Variants in CCDC15 observed in about 807,000 individuals in gnomAD.
CCDC15 encodes coiled-coil domain-containing protein 15.
A neutral mutation model predicts 114.5 loss-of-function variants in CCDC15; 105 were observed. That is an observed-to-expected ratio of 0.92 (90% confidence interval 0.78 to 1.08). The LOEUF is 1.08. Among genes scored for constraint, CCDC15 ranks in the 50% least tolerant of loss-of-function variants. CCDC15 has a pLI of 0.00. For synonymous variants in CCDC15, 334 were observed against 377.8 expected (o/e 0.88, Z 1.34); for missense variants, 1,105 against 1,093.6 (o/e 1.01, Z -0.15).
At chr11:125,003,176 T>C (rs1591603871) in intron 11 of CCDC15, among the ~76,000 whole-genome samples, 2 of 152,182 alleles carry the variant, frequency 1.3e-5, no homozygotes, top group East Asian at 3.9e-4. Context: ...TTTTTCTTAA[T>C]TTACTTTCTA....
rs749600378 is a variant in CCDC15, at chr11:124,987,085, A to G, written c.901-42A>G. On this transcript the variant is annotated intron_variant, in intron 7 of 15. Transcript: ENST00000344762. The stretch of plus-strand genomic sequence containing the variant: ...ATTTTGGAAAATCTAGAGTATTGCT[A>G]CTAACTCACATTCTGTATTTGGTGT... 1.1e-5 allele frequency: 16 copies of G among 1,450,044 alleles called. No homozygotes were observed. The East Asian group carries it at 2.1e-4, about 19-fold the overall frequency. 89.8% of individuals were successfully genotyped at this position (1,450,044 alleles called of 1,614,324 possible).
At position 125,041,461 on chromosome 11, in the gene CCDC15, G is replaced by A. The variant is rs1053399896; in HGVS notation, c.*750G>A. The A allele has an allele frequency of 2.6e-5, 4 of 151,920 alleles. No individual in the cohort carries two copies. Among genetic ancestry groups the A allele is most frequent in the African/African-American group, 9.7e-5 (4 of 41,362 alleles). The allele number at this position is 151,920 out of a possible 1,614,324, so 9.4% of individuals were successfully genotyped here. ...TATATGACATGGCTACAGGGCAAAT[G>A]AAATAAAAATTGCCATAGTTGGTAT... On this transcript the variant is annotated 3_prime_UTR_variant, in exon 16 of 16. Coordinates refer to ENST00000344762, the MANE Select transcript of CCDC15 (RefSeq NM_025004.3).
At chr11:125,024,173 C>T (rs779920563) in intron 13 of CCDC15, among the ~76,000 whole-genome samples, 2 of 151,840 alleles carry the variant, frequency 1.3e-5, no homozygotes, top group African/African-American at 4.8e-5. Context: ...TCTCTTCTTC[C>T]GTGGATATAT....
At chr11:125,020,200 C>T (rs1948652908) in intron 13 of CCDC15, among the ~76,000 whole-genome samples, 1 of 151,916 alleles carries the variant, frequency 6.6e-6, no homozygotes, top group South Asian at 2.1e-4. Context: ...TTTCTTCCAC[C>T]TCCTTGAGAA....
At chr11:124,964,790 C>T (rs1947741076) in intron 4 of CCDC15, among the ~76,000 whole-genome samples, 1 of 152,116 alleles carries the variant, frequency 6.6e-6, no homozygotes, top group Admixed American at 6.5e-5. Flanking sequence ...TCATAAATAG[C>T]TCTTATTATT....
chr11:124,977,434 G>A, intron 5 of CCDC15, 44 bp from the exon 6 acceptor site: 4 of 1,494,156 alleles, frequency 2.7e-6, no homozygotes, highest in South Asian at 1.4e-5. Flanking sequence ...TGAATATGTT[G>A]CTTCCTCTAG....
chr11:125,008,654 G>A (rs1316538777), intron 13 of CCDC15, among the ~76,000 whole-genome samples: 3 of 151,934 alleles, frequency 2.0e-5, no homozygotes, highest in African/African-American at 4.8e-5. Flanking sequence ...TTGTAGATGC[G>A]CTTTTTCAGG....
intron 13 of CCDC15, among the ~76,000 whole-genome samples, chr11:125,022,534 A>T (rs553810845): frequency 2.0e-4 from 30 of 152,062 alleles, no homozygotes; most frequent in African/African-American, 6.5e-4. Context: ...CAGAATCTGG[A>T]CAGACTTGGT....
At chr11:124,965,616 A>G (rs557697478) in intron 4 of CCDC15, among the ~76,000 whole-genome samples, 27 of 151,990 alleles carry the variant, frequency 1.8e-4, no homozygotes, top group African/African-American at 6.5e-4. Context: ...TGATTCTTTG[A>G]AGGGTTTTTG....
chr11:125,033,646 C>G (rs1191754695), intron 13 of CCDC15, among the ~76,000 whole-genome samples: 1 of 152,172 alleles, frequency 6.6e-6, no homozygotes, highest in African/African-American at 2.4e-5. Flanking sequence ...TCTCTCTATA[C>G]CTTTGGATCC....
rs975982020 is a variant in CCDC15, at chr11:124,988,279, G to T, written c.1908+145G>T. ...GCAATAAAGCAAATATTGGAATAAA[G>T]TAAGTCACACAAATTTCTTGGCTTC... On this transcript the variant is annotated intron_variant, in intron 8 of 15. Coordinates refer to ENST00000344762, the MANE Select transcript of CCDC15 (RefSeq NM_025004.3). 11 of 879,574 alleles carry T rather than the reference G, an allele frequency of 1.3e-5. No homozygotes were observed. The South Asian group carries it at 2.1e-4, about 17-fold the overall frequency. The allele number at this position is 879,574 out of a possible 1,614,324, so 54.5% of individuals were successfully genotyped here.
chr11:124,998,765 TCTCA>T (rs1402849057), intron 11 of CCDC15, among the ~76,000 whole-genome samples: 1 of 147,368 alleles, frequency 6.8e-6, no homozygotes, highest in Non-Finnish European at 1.5e-5. Flanking sequence ...GGAGACAGAG[TCTCA>T]CTCTGTCGCC....
chr11:125,032,870 TG>T (rs1288177122), intron 13 of CCDC15, among the ~76,000 whole-genome samples: 1 of 152,212 alleles, frequency 6.6e-6, no homozygotes, highest in South Asian at 2.1e-4. Flanking sequence ...CTTCTTTAAC[TG>T]GAGGACCACA....
At chr11:124,964,459 T>A (rs1376813304) in intron 4 of CCDC15, among the ~76,000 whole-genome samples, 2 of 152,184 alleles carry the variant, frequency 1.3e-5, no homozygotes, top group Non-Finnish European at 2.9e-5. Context: ...TATTGGTGTG[T>A]CGGAATACTT....
intron 4 of CCDC15, among the ~76,000 whole-genome samples, chr11:124,974,180 G>T (rs1431185168): frequency 6.6e-6 from 1 of 151,880 alleles, no homozygotes; most frequent in Non-Finnish European, 1.5e-5. Flanking sequence ...TCACCACATT[G>T]GTCAGGCTAG....
intron 13 of CCDC15, among the ~76,000 whole-genome samples, chr11:125,031,891 G>A (rs762294936): frequency 1.4e-4 from 21 of 152,168 alleles, no homozygotes; most frequent in Non-Finnish European, 2.5e-4. Context: ...ACCTAAATGA[G>A]GAATGTGTCG....
intron 4 of CCDC15, among the ~76,000 whole-genome samples, chr11:124,966,065 A>G (rs1390976116): frequency 6.6e-6 from 1 of 152,006 alleles, no homozygotes; most frequent in African/African-American, 2.4e-5. Flanking sequence ...TTCCAACTAT[A>G]TGGTCAATTT....
chr11:125,038,660 C>T (rs1948793823), intron 14 of CCDC15, 56 bp downstream of exon 14: 5 of 1,349,154 alleles, frequency 3.7e-6, no homozygotes, highest in African/African-American at 1.5e-5. Flanking sequence ...TGGTAGAACT[C>T]ATTGTTCTCA....
rs184441682 is a variant in CCDC15 at position 124,999,123 on chromosome 11, A to C, written c.2215-4744A>C. Among the ~76,000 whole-genome samples, 52 of 152,120 alleles carry C rather than the reference A, an allele frequency of 3.4e-4. 1 individual carries two copies. The East Asian group carries it at 7.3e-3, about 21-fold the overall frequency. On this transcript the variant is annotated intron_variant, in intron 11 of 15. Coordinates refer to ENST00000344762, the MANE Select transcript of CCDC15 (RefSeq NM_025004.3). ...TTCTGGTTTCCAGTCTTCGATAGCA[A>C]ATTTGTAATTATTTGAGTCATTGTT...
Sources: allele counts gnomAD v4.1 joint callset (sites outside exome capture counted in the v4.1 genomes callset), GRCh38; gene constraint gnomAD v4.1.1; transcripts MANE v1.5; gene names NCBI Gene and HGNC (gene_info 2026-07-23, HGNC 2026-07-21).